Variants in MFHAS1 observed in about 807,000 individuals in gnomAD.
MFHAS1 encodes multifunctional ROCO family signaling regulator 1, also known as malignant fibrous histiocytoma-amplified sequence 1.
In MFHAS1, 50 loss-of-function variants were observed where a neutral mutation model predicts 70.4. The ratio of observed to expected loss-of-function variants is 0.71; its 90% CI spans 0.57 to 0.90. The LOEUF is 0.90. Ranked by LOEUF, MFHAS1 falls within the 40% of genes least tolerant of loss-of-function variation. MFHAS1 has a pLI of 0.00. For synonymous variants in MFHAS1, 952 were observed against 620.0 expected (o/e 1.54, Z -7.96); for missense variants, 1,795 against 1,347.6 (o/e 1.33, Z -5.20).
intron 1 of MFHAS1, among the ~76,000 whole-genome samples, chr8:8,831,744 G>C (rs1016411916): frequency 2.6e-5 from 4 of 152,026 alleles, no homozygotes; most frequent in African/African-American, 9.7e-5. Context: ...GAGTAGCTGG[G>C]ATTACAGGCA....
At chr8:8,821,260 G>A (rs1806945274) in intron 1 of MFHAS1, among the ~76,000 whole-genome samples, 1 of 152,202 alleles carries the variant, frequency 6.6e-6, no homozygotes, top group African/African-American at 2.4e-5. Flanking sequence ...GGCCCCTGTG[G>A]CAGGAGGTCA....
intron 1 of MFHAS1, among the ~76,000 whole-genome samples, chr8:8,885,410 A>T (rs886162467): frequency 6.6e-6 from 1 of 152,200 alleles, no homozygotes; most frequent in African/African-American, 2.4e-5. Context: ...AAAACACAGT[A>T]TTCACTCATC....
At chr8:8,848,295 G>C (rs1402989984) in intron 1 of MFHAS1, among the ~76,000 whole-genome samples, 1 of 151,884 alleles carries the variant, frequency 6.6e-6, no homozygotes, top group Non-Finnish European at 1.5e-5. Context: ...TCAAAGAAGG[G>C]ATTATGACTC....
chr8:8,846,168 G>A (rs1305932070), intron 1 of MFHAS1, among the ~76,000 whole-genome samples: 3 of 149,488 alleles, frequency 2.0e-5, no homozygotes, highest in South Asian at 2.1e-4. Context: ...CAGGAGAATC[G>A]CTCGAACCTG....
intron 1 of MFHAS1, among the ~76,000 whole-genome samples, chr8:8,805,699 G>C (rs1806264374): frequency 6.6e-6 from 1 of 151,970 alleles, no homozygotes. Flanking sequence ...TTTTTGTTTT[G>C]TTTTGCTTTC....
chr8:8,871,117 C>T (rs1234701260), intron 1 of MFHAS1, among the ~76,000 whole-genome samples: 1 of 152,148 alleles, frequency 6.6e-6, no homozygotes, highest in East Asian at 1.9e-4. Context: ...ACCATAGGTT[C>T]CTGAGGACAA....
chr8:8,851,461 C>A (rs973934885), intron 1 of MFHAS1, among the ~76,000 whole-genome samples: 1 of 152,116 alleles, frequency 6.6e-6, no homozygotes, highest in Non-Finnish European at 1.5e-5. Context: ...GGTCTAGATA[C>A]CACAAAACAG....
At chr8:8,828,716 A>C (rs1161008316) in intron 1 of MFHAS1, among the ~76,000 whole-genome samples, 1 of 152,254 alleles carries the variant, frequency 6.6e-6, no homozygotes, top group Non-Finnish European at 1.5e-5. Context: ...TAATGCGGGC[A>C]AGGCCCACGC....
rs775630763 is a variant in MFHAS1 at position 8,797,351 on chromosome 8, CT to C, written c.3125+13del. On this transcript the variant is annotated intron_variant, in intron 2 of 2. Coordinates refer to ENST00000276282, the MANE Select transcript of MFHAS1 (RefSeq NM_004225.3). ...GAGCCAGGTCCCGGGGCCAGAGGGA[CT>C]TTGAGAACTCACTTGGAACAGGGGC... The C allele has an allele frequency of 7.4e-6, 12 of 1,613,024 alleles. No individual in the cohort carries two copies. In the African/African-American group the frequency reaches 1.6e-4, roughly 22 times the overall value.
rs1173866490 is a variant in MFHAS1 at position 8,891,394 on chromosome 8, G to A, written c.1665C>T (p.His555=). 2.5e-6 allele frequency: 4 copies of A among 1,612,306 alleles called. No homozygotes were observed. The highest frequency in any genetic ancestry group is 2.2e-5 in the East Asian group (1 of 44,878). Residue 555 remains histidine (H), a synonymous_variant, in exon 1 of 3, where the codon CAC becomes CAT. Coordinates refer to ENST00000276282, the MANE Select transcript of MFHAS1 (RefSeq NM_004225.3). The surrounding 1 kb of genome is among the most constrained non-coding windows in gnomAD (Gnocchi z 5.4). ...RELEEKCLDI[H]RQIALQEKHD... ...GCTTCTCCTGCAGGGCGATCTGGCG[G>A]TGAATGTCCAGACATTTCTCCTCCA...
chr8:8,848,615 T>C (rs1808121044), intron 1 of MFHAS1, among the ~76,000 whole-genome samples: 1 of 129,886 alleles, frequency 7.7e-6, no homozygotes, highest in Non-Finnish European at 1.7e-5. Flanking sequence ...GCTGGGCAGT[T>C]ATTAATTTTT....
At chr8:8,834,950 G>A (rs1046564211) in intron 1 of MFHAS1, among the ~76,000 whole-genome samples, 4 of 152,118 alleles carry the variant, frequency 2.6e-5, no homozygotes, top group Non-Finnish European at 5.9e-5. Flanking sequence ...GGATCTAATG[G>A]AACTGGTAGG....
intron 2 of MFHAS1, among the ~76,000 whole-genome samples, chr8:8,787,241 C>T (rs934546585): frequency 1.9e-4 from 29 of 152,082 alleles, no homozygotes; most frequent in African/African-American, 3.9e-4. Flanking sequence ...CCACCACACG[C>T]GGCTAATTTT....
At chr8:8,853,737 T>C (rs577765676) in intron 1 of MFHAS1, among the ~76,000 whole-genome samples, 1 of 152,278 alleles carries the variant, frequency 6.6e-6, no homozygotes, top group East Asian at 1.9e-4. Flanking sequence ...TGGCAAATTT[T>C]GTGTTTTTAG....
chr8:8,818,967 A>T (rs960759942), intron 1 of MFHAS1, among the ~76,000 whole-genome samples: 9 of 152,198 alleles, frequency 5.9e-5, no homozygotes, highest in African/African-American at 2.2e-4. Context: ...TATTCTACGG[A>T]TATACTAACA....
At chr8:8,788,515 C>G (rs918305882) in intron 2 of MFHAS1, among the ~76,000 whole-genome samples, 6 of 152,154 alleles carry the variant, frequency 3.9e-5, no homozygotes, top group African/African-American at 1.4e-4. Flanking sequence ...CCTGTCTCTA[C>G]TAAAAATGCA....
intron 1 of MFHAS1, among the ~76,000 whole-genome samples, chr8:8,825,541 G>A (rs1108953): frequency 1.3e-5 from 2 of 152,080 alleles, no homozygotes; most frequent in Non-Finnish European, 2.9e-5. Context: ...TGGCAGGGTT[G>A]GTTTCTTCTG....
intron 1 of MFHAS1, among the ~76,000 whole-genome samples, chr8:8,879,029 G>A (rs966619389): frequency 3.3e-5 from 5 of 152,090 alleles, no homozygotes; most frequent in African/African-American, 7.2e-5. Context: ...TCCCCAGATG[G>A]GAGCAAGTCT....
At position 8,850,740 on chromosome 8, in the gene MFHAS1, G is replaced by A. The variant is rs868128352; in HGVS notation, c.2998+39321C>T. 2.7e-5 allele frequency among the ~76,000 whole-genome samples: 4 copies of A among 148,602 alleles called. 1 individual carries two copies. Among genetic ancestry groups the A allele is most frequent in the Middle Eastern group, 6.9e-3 (2 of 288 alleles). On this transcript the variant is annotated intron_variant, in intron 1 of 2. Coordinates refer to ENST00000276282, the MANE Select transcript of MFHAS1 (RefSeq NM_004225.3). ...ATCAGGAGGCTGAAGCAGGAGAATC[G>A]CTTGAATCCAGGAGGCGAAGGTTAC...
Sources: allele counts gnomAD v4.1 joint callset (sites outside exome capture counted in the v4.1 genomes callset), GRCh38; gene constraint gnomAD v4.1.1; non-coding constraint Gnocchi (gnomAD v3.1); transcripts MANE v1.5; gene names NCBI Gene and HGNC (gene_info 2026-07-23, HGNC 2026-07-21).